The following APBB1IP variants were observed in gnomAD, a reference collection of about 807,000 sequenced individuals.
The protein encoded by APBB1IP is amyloid beta precursor protein binding family B member 1 interacting protein, also known as amyloid beta A4 precursor protein-binding family B member 1-interacting protein.
In APBB1IP, 27 loss-of-function variants were observed where a neutral mutation model predicts 64.9. That is an observed-to-expected ratio of 0.42 (90% CI 0.31 to 0.57). The LOEUF (loss-of-function observed/expected upper bound fraction) is 0.57. APBB1IP is among the 20% of genes least tolerant of loss of function. The pLI is 0.20. For synonymous variants in APBB1IP, 392 were observed against 331.0 expected, an observed-to-expected ratio of 1.18 and a Z score of -2.00; for missense variants, 812 against 845.5, an observed-to-expected ratio of 0.96 and a Z score of 0.49.
chr10:26,476,160 T>G (rs702993), intron 2 of APBB1IP, among the ~76,000 whole-genome samples: 11,213 of 151,206 alleles, frequency 0.074, 1,379 homozygotes, highest in African/African-American at 0.25. Context: ...CCGGGTTCAA[T>G]CTATTCTCCT....
chr10:26,445,127 GAAAAGAAA>G (rs1280678266), intron 2 of APBB1IP, among the ~76,000 whole-genome samples: 5 of 47,324 alleles, frequency 1.1e-4, no homozygotes, highest in South Asian at 1.8e-3. Context: ...AAGAAAGAAA[GAAAAGAAA>G]GAAAGAAAGA....
intron 11 of APBB1IP, among the ~76,000 whole-genome samples, chr10:26,544,022 T>C (rs1296940572): frequency 6.6e-6 from 1 of 152,182 alleles, no homozygotes; most frequent in African/African-American, 2.4e-5. Context: ...AGATGTGGTA[T>C]GTGTGCAGAG....
intron 9 of APBB1IP, 84 bp from the exon 10 acceptor site, chr10:26,535,990 C>G (rs1317085044): frequency 7.1e-7 from 1 of 1,410,540 alleles, no homozygotes; most frequent in Non-Finnish European, 9.5e-7. Flanking sequence ...AGTTTAAAAG[C>G]TAATTTGTAA....
At chr10:26,516,068 T>C (rs974324477) in intron 8 of APBB1IP, among the ~76,000 whole-genome samples, 1 of 152,142 alleles carries the variant, frequency 6.6e-6, no homozygotes, top group Non-Finnish European at 1.5e-5. Context: ...AAAGGGAATC[T>C]GGCTAGGGGC....
At chr10:26,454,441 G>A (rs1264313210) in intron 2 of APBB1IP, among the ~76,000 whole-genome samples, 1 of 151,996 alleles carries the variant, frequency 6.6e-6, no homozygotes, top group Admixed American at 6.6e-5. Flanking sequence ...AGCTGAGATC[G>A]TGCCACTGCA....
At chr10:26,565,485 C>A (rs1485364193) in intron 14 of APBB1IP, among the ~76,000 whole-genome samples, 1 of 152,176 alleles carries the variant, frequency 6.6e-6, no homozygotes, top group Non-Finnish European at 1.5e-5. Flanking sequence ...CCTTTAGAGA[C>A]ACACAGCAAC....
intron 9 of APBB1IP, 138 bp from the exon 10 acceptor site, chr10:26,535,936 T>G (rs1836616919): frequency 1.2e-6 from 1 of 820,496 alleles, no homozygotes; most frequent in African/African-American, 1.8e-5. Flanking sequence ...GCATATAATA[T>G]AAACATATGC....
intron 2 of APBB1IP, among the ~76,000 whole-genome samples, chr10:26,484,797 G>T (rs899993732): frequency 6.6e-6 from 1 of 151,630 alleles, no homozygotes; most frequent in Non-Finnish European, 1.5e-5. Context: ...TCAAAATTCA[G>T]TTTCTAGCAT....
intron 11 of APBB1IP, among the ~76,000 whole-genome samples, chr10:26,545,337 G>A (rs1836746220): frequency 6.6e-6 from 1 of 152,228 alleles, no homozygotes; most frequent in Non-Finnish European, 1.5e-5. Context: ...CATGTTAACA[G>A]ACTTAGGCCA....
intron 6 of APBB1IP, among the ~76,000 whole-genome samples, chr10:26,510,732 TCTCACACACACACACACA>T (rs1836241712): frequency 9.2e-6 from 1 of 109,272 alleles, no homozygotes; most frequent in African/African-American, 3.3e-5. Flanking sequence ...CAAGACCCTG[TCTCACACACACACACACA>T]CACACACACA....
intron 8 of APBB1IP, among the ~76,000 whole-genome samples, chr10:26,531,169 T>C (rs751111701): frequency 7.3e-5 from 11 of 151,562 alleles, no homozygotes; most frequent in Non-Finnish European, 1.5e-4. Flanking sequence ...ACCCCATTTC[T>C]ACTAAAAATA....
chr10:26,445,951 G>A (rs1013360035), intron 2 of APBB1IP, among the ~76,000 whole-genome samples: 5 of 152,186 alleles, frequency 3.3e-5, no homozygotes, highest in Non-Finnish European at 7.3e-5. Flanking sequence ...TAACGAAATA[G>A]TAATATTCAG....
chr10:26,524,974 T>TTTTTTTTTTTTTTTA lies in APBB1IP; in HGVS notation c.814-8465_814-8464insTTTTTTTTTTTTTTA, dbSNP rs1554778195. ...TTCTTTCTTTTTTTTTTTTTTTTTT[T>TTTTTTTTTTTTTTTA]ATAAAAAAAGGAATCCTGGCAAGAG... On this transcript the variant is annotated intron_variant, in intron 8 of 14. Coordinates refer to ENST00000376236, the MANE Select transcript of APBB1IP (RefSeq NM_019043.4). Among the ~76,000 whole-genome samples, 46 of 126,752 alleles carry TTTTTTTTTTTTTTTA rather than the reference T, an allele frequency of 3.6e-4. 5 individuals carry two copies. The highest frequency in any genetic ancestry group is 1.5e-3 in the East Asian group (5 of 3,416). The allele number at this position is 126,752 out of a possible 152,430, so 83.2% of individuals were successfully genotyped here. A position where few individuals can be genotyped will look rare whatever the true frequency, so the allele number is the denominator to read the frequency against.
chr10:26,465,388 A>G (rs1835636759), intron 2 of APBB1IP, among the ~76,000 whole-genome samples: 1 of 152,204 alleles, frequency 6.6e-6, no homozygotes, highest in Non-Finnish European at 1.5e-5. Flanking sequence ...TCAAGGACAC[A>G]AATTTCTATT....
intron 14 of APBB1IP, among the ~76,000 whole-genome samples, chr10:26,565,132 C>T (rs542547392): frequency 6.6e-6 from 1 of 152,364 alleles, no homozygotes; most frequent in South Asian, 2.1e-4. Flanking sequence ...TCACTCTTCC[C>T]TTTCCATCTC....
intron 2 of APBB1IP, among the ~76,000 whole-genome samples, chr10:26,454,019 T>C (rs2132400825): frequency 6.6e-6 from 1 of 152,332 alleles, no homozygotes; most frequent in African/African-American, 2.4e-5. Flanking sequence ...AATGGAGTAC[T>C]ATTCAGCCAT....
At chr10:26,496,441 T>A in intron 4 of APBB1IP, 50 bp downstream of exon 4, 1 of 1,389,940 alleles carries the variant, frequency 7.2e-7, no homozygotes, top group Non-Finnish European at 1.0e-6. Flanking sequence ...ATAATGATGA[T>A]TCAAATCAGT....
At chr10:26,553,082 C>T (rs190222805) in intron 11 of APBB1IP, among the ~76,000 whole-genome samples, 12 of 151,944 alleles carry the variant, frequency 7.9e-5, no homozygotes, top group East Asian at 5.8e-4. Flanking sequence ...AGTGCAGTGG[C>T]GCGATCTCAG....
At chr10:26,460,839 G>T (rs1171330602) in intron 2 of APBB1IP, among the ~76,000 whole-genome samples, 1 of 152,132 alleles carries the variant, frequency 6.6e-6, no homozygotes, top group Non-Finnish European at 1.5e-5. Context: ...AATAGCTAAT[G>T]GATGCTGGGG....
Sources: allele counts gnomAD v4.1 joint callset (sites outside exome capture counted in the v4.1 genomes callset), GRCh38; gene constraint gnomAD v4.1.1; transcripts MANE v1.5; gene names NCBI Gene and HGNC (gene_info 2026-07-23, HGNC 2026-07-21).